ZNF385D: variants seen among roughly 807,000 people sequenced by gnomAD.
ZNF385D encodes zinc finger protein 659.
A neutral mutation model predicts 35.8 loss-of-function variants in ZNF385D; 15 were observed. That is an observed-to-expected ratio of 0.42 (90% CI 0.28 to 0.64). The LOEUF is 0.64. ZNF385D is among the 30% of genes least tolerant of loss of function. The pLI is 0.23. For missense variants in ZNF385D, 474 were observed against 494.6 expected (o/e 0.96, Z 0.39); for synonymous variants, 212 against 186.8 (o/e 1.13, Z -1.10).
At chr3:21,547,182 C>A (rs2062403722) in intron 3 of ZNF385D, among the ~76,000 whole-genome samples, 1 of 152,132 alleles carries the variant, frequency 6.6e-6, no homozygotes, top group Non-Finnish European at 1.5e-5. Context: ...GATGAAGCCT[C>A]CAAACTGGAA....
intron 3 of ZNF385D, among the ~76,000 whole-genome samples, chr3:21,807,708 T>C (rs983749905): frequency 1.3e-5 from 2 of 152,166 alleles, no homozygotes; most frequent in African/African-American, 4.8e-5. Context: ...TGTTTAAAAC[T>C]TAACAAAATA....
intron 2 of ZNF385D, among the ~76,000 whole-genome samples, chr3:22,339,253 T>C (rs989783966): frequency 6.6e-6 from 1 of 152,064 alleles, no homozygotes; most frequent in Admixed American, 6.5e-5. Flanking sequence ...CATGAAACAA[T>C]GAAAGAAATT....
chr3:21,420,517 C>T lies in ZNF385D; in HGVS notation c.*697G>A, dbSNP rs3821731. 44,300 of 152,008 alleles carry T rather than the reference C, an allele frequency of 0.29. 6,830 individuals are homozygous for T. Among genetic ancestry groups the T allele is most frequent in the African/African-American group, 0.37 (15,506 of 41,446 alleles). The allele number at this position is 152,008 out of a possible 1,614,324, so 9.4% of individuals were successfully genotyped here. On this transcript the variant is annotated 3_prime_UTR_variant, in exon 8 of 8. Coordinates refer to ENST00000281523, the MANE Select transcript of ZNF385D (RefSeq NM_024697.3). ...AGCCCTGTTATATCTTCAAGCTAGA[C>T]AGGAGGGGAGAATGCTGACCAGGGA...
intron 4 of ZNF385D, among the ~76,000 whole-genome samples, chr3:21,488,637 C>T (rs529634187): frequency 1.6e-4 from 24 of 151,964 alleles, no homozygotes; most frequent in African/African-American, 5.1e-4. Flanking sequence ...CATGTGTATC[C>T]TCCCAATCAT....
chr3:22,300,978 C>G lies in ZNF385D; in HGVS notation c.106+71472G>C, dbSNP rs1399442076. ...TGAAATCAGTTTGTCAAAGAGACAT[C>G]TGTATTCCCATGTTCTTTGCAGATG... On this transcript the variant is annotated intron_variant, in intron 2 of 5. Transcript: ENST00000494108. 3.3e-5 allele frequency among the ~76,000 whole-genome samples: 5 copies of G among 152,014 alleles called. No individual in the cohort carries two copies. The East Asian group carries it at 9.6e-4, about 29-fold the overall frequency.
chr3:21,785,464 G>A (rs1364441240), intron 3 of ZNF385D, among the ~76,000 whole-genome samples: 3 of 152,060 alleles, frequency 2.0e-5, no homozygotes, highest in Non-Finnish European at 4.4e-5. Flanking sequence ...AGTACACTAT[G>A]CAATATTAAT....
intron 3 of ZNF385D, among the ~76,000 whole-genome samples, chr3:21,808,400 G>A (rs2072752028): frequency 6.6e-6 from 1 of 152,146 alleles, no homozygotes; most frequent in Non-Finnish European, 1.5e-5. Context: ...GCTCTGTGCT[G>A]TGGCCCCAGA....
At chr3:21,931,832 T>C (rs1371723130) in intron 3 of ZNF385D, among the ~76,000 whole-genome samples, 2 of 152,098 alleles carry the variant, frequency 1.3e-5, no homozygotes, top group African/African-American at 4.8e-5. Flanking sequence ...GTCAGTTTTA[T>C]AATATGTAAA....
chr3:22,134,377 G>A (rs1278867704), intron 3 of ZNF385D: 2 of 152,104 alleles, frequency 1.3e-5, no homozygotes, highest in South Asian at 2.1e-4. Context: ...AATGCTTGAA[G>A]CAAAAATGGC....
At chr3:21,483,127 G>A (rs373424624) in intron 4 of ZNF385D, among the ~76,000 whole-genome samples, 6 of 152,174 alleles carry the variant, frequency 3.9e-5, no homozygotes, top group East Asian at 3.9e-4. Flanking sequence ...CCAAAAAATA[G>A]TTATTTGTAC....
At chr3:22,018,955 C>T (rs547229224) in intron 3 of ZNF385D, among the ~76,000 whole-genome samples, 11 of 150,764 alleles carry the variant, frequency 7.3e-5, no homozygotes, top group African/African-American at 1.7e-4. Flanking sequence ...TACTCCTTTC[C>T]GTCTCTACCC....
At chr3:22,177,111 C>T (rs1451166119) in intron 2 of ZNF385D, among the ~76,000 whole-genome samples, 1 of 152,144 alleles carries the variant, frequency 6.6e-6, no homozygotes, top group Non-Finnish European at 1.5e-5. Context: ...AAAACATGAT[C>T]CCCCTGGAGT....
chr3:22,240,009 T>A (rs1229247017), intron 2 of ZNF385D, among the ~76,000 whole-genome samples: 1 of 148,018 alleles, frequency 6.8e-6, no homozygotes, highest in Non-Finnish European at 1.5e-5. Flanking sequence ...AAACCCAGTC[T>A]CTACAAAAAA....
chr3:22,159,856 G>C (rs1267528306), intron 3 of ZNF385D, among the ~76,000 whole-genome samples: 6 of 151,978 alleles, frequency 3.9e-5, no homozygotes, highest in Non-Finnish European at 8.8e-5. Context: ...TGAAGGATAT[G>C]GTCGGTAAGA....
chr3:21,685,717 T>G (rs1300579010), intron 1 of ZNF385D, among the ~76,000 whole-genome samples: 1 of 152,190 alleles, frequency 6.6e-6, no homozygotes. Context: ...AATTAGTAAT[T>G]GGCATTACCT....
chr3:21,916,004 T>C (rs1306249992), intron 3 of ZNF385D, among the ~76,000 whole-genome samples: 2 of 152,128 alleles, frequency 1.3e-5, no homozygotes, highest in African/African-American at 4.8e-5. Flanking sequence ...AGGTGACTAA[T>C]AACAGCCAGG....
At chr3:21,908,377 G>A (rs964504746) in intron 3 of ZNF385D, among the ~76,000 whole-genome samples, 7 of 152,038 alleles carry the variant, frequency 4.6e-5, no homozygotes, top group African/African-American at 1.4e-4. Flanking sequence ...TATTGAGATT[G>A]GTATTATGCT....
At chr3:22,188,787 G>T (rs896924442) in intron 2 of ZNF385D, among the ~76,000 whole-genome samples, 5 of 152,096 alleles carry the variant, frequency 3.3e-5, no homozygotes, top group African/African-American at 1.2e-4. Flanking sequence ...AATATCTAGA[G>T]AAATATCTTC....
chr3:21,682,370 G>C (rs1286395794), intron 1 of ZNF385D, among the ~76,000 whole-genome samples: 1 of 150,108 alleles, frequency 6.7e-6, no homozygotes, highest in African/African-American at 2.5e-5. Context: ...GAAAGCTAAA[G>C]GTACTGGCAA....
Sources: allele counts gnomAD v4.1 joint callset (sites outside exome capture counted in the v4.1 genomes callset), GRCh38; gene constraint gnomAD v4.1.1; transcripts MANE v1.5; gene names NCBI Gene and HGNC (gene_info 2026-07-23, HGNC 2026-07-21).